Variants in PPM1L observed in about 807,000 individuals in gnomAD.
PPM1L encodes the protein protein phosphatase, Mg2+/Mn2+ dependent 1L, also known as protein phosphatase 1L.
A neutral mutation model predicts 31.4 loss-of-function variants in PPM1L; 13 were observed. That is an observed-to-expected ratio of 0.41 (90% CI 0.27 to 0.66). PPM1L has a LOEUF of 0.66. PPM1L is among the 30% of genes least tolerant of loss of function. The pLI is 0.29. For synonymous variants in PPM1L, 184 were observed against 175.4 expected (o/e 1.05, Z -0.39); for missense variants, 326 against 453.7 (o/e 0.72, Z 2.56).
At chr3:160,858,250 T>C (rs1711783970) in intron 1 of PPM1L, among the ~76,000 whole-genome samples, 3 of 152,188 alleles carry the variant, frequency 2.0e-5, no homozygotes. Flanking sequence ...CTCTTTTCTT[T>C]TCTTTTTTTT....
intron 1 of PPM1L, among the ~76,000 whole-genome samples, chr3:160,872,913 C>A (rs996168138): frequency 6.6e-6 from 1 of 151,658 alleles, no homozygotes; most frequent in Non-Finnish European, 1.5e-5. Flanking sequence ...GGCGGCACAG[C>A]GGGACTCTGT....
intron 2 of PPM1L, among the ~76,000 whole-genome samples, chr3:161,006,599 C>T (rs1479371295): frequency 6.6e-6 from 1 of 151,380 alleles, no homozygotes; most frequent in African/African-American, 2.4e-5. Context: ...TGGTTTTCCT[C>T]ATAATCCCAT....
intron 1 of PPM1L, among the ~76,000 whole-genome samples, chr3:160,848,375 CT>C (rs1353279582): frequency 6.6e-6 from 1 of 152,008 alleles, no homozygotes; most frequent in Non-Finnish European, 1.5e-5. Flanking sequence ...ATCTAGTGGA[CT>C]TTTTTTTCCC....
intron 1 of PPM1L, among the ~76,000 whole-genome samples, chr3:160,795,975 A>G (rs1049623190): frequency 6.6e-6 from 1 of 152,192 alleles, no homozygotes; most frequent in Non-Finnish European, 1.5e-5. Flanking sequence ...GGTTGATCTT[A>G]GGGAAATCCC....
intron 1 of PPM1L, among the ~76,000 whole-genome samples, chr3:160,793,862 T>C (rs1479704693): frequency 6.6e-6 from 1 of 152,186 alleles, no homozygotes; most frequent in Non-Finnish European, 1.5e-5. Context: ...TAAAACTTGC[T>C]CAGTTCTGAT....
At chr3:160,780,692 A>G (rs149931345) in intron 1 of PPM1L, among the ~76,000 whole-genome samples, 351 of 152,300 alleles carry the variant, frequency 2.3e-3, no homozygotes, top group African/African-American at 7.8e-3. Context: ...GTGTGTGTCA[A>G]GGTGGAAGAA....
chr3:160,953,680 G>T (rs1454539017), intron 1 of PPM1L, among the ~76,000 whole-genome samples: 1 of 152,088 alleles, frequency 6.6e-6, no homozygotes, highest in Non-Finnish European at 1.5e-5. Context: ...CTGGAAACTT[G>T]CAAATAAGTT....
chr3:161,010,257 G>GT (rs1432967991), intron 2 of PPM1L, among the ~76,000 whole-genome samples: 3 of 152,048 alleles, frequency 2.0e-5, no homozygotes, highest in Admixed American at 6.6e-5. Flanking sequence ...GCAGTGTTTG[G>GT]TTTTTTGTCC....
intron 2 of PPM1L, among the ~76,000 whole-genome samples, chr3:161,052,365 A>C (rs1224845797): frequency 2.0e-5 from 3 of 152,106 alleles, no homozygotes. Flanking sequence ...CTTATCAGGG[A>C]GAGCAGGAAG....
chr3:160,924,893 T>C (rs1358314276), intron 1 of PPM1L, among the ~76,000 whole-genome samples: 1 of 152,230 alleles, frequency 6.6e-6, no homozygotes, highest in Non-Finnish European at 1.5e-5. Context: ...CGCATTTAGA[T>C]TTCCTTTCTG....
In PPM1L at chr3:160,962,301, A is replaced by T. The variant is rs187579455; in HGVS notation, c.574+391A>T. 2.3e-3 allele frequency among the ~76,000 whole-genome samples: 344 copies of T among 152,048 alleles called. 1 individual carries two copies. Among genetic ancestry groups the T allele is most frequent in the Non-Finnish European group, 3.4e-3 (229 of 67,934 alleles). ...CTAAAGAGGTATTTTTTTTTCTCAA[A>T]CTGTTAAGCTAATCATTGCTTTCTT... On this transcript the variant is annotated intron_variant, in intron 2 of 3. Coordinates refer to ENST00000498165, the MANE Select transcript of PPM1L (RefSeq NM_139245.4).
chr3:161,001,789 C>A (rs778657), intron 2 of PPM1L, among the ~76,000 whole-genome samples: 88,294 of 151,868 alleles, frequency 0.58, 27,026 homozygotes, highest in East Asian at 0.92. Flanking sequence ...TATGAATTTA[C>A]TACAAACCCT....
chr3:161,018,357 T>C (rs1023796402), intron 2 of PPM1L, among the ~76,000 whole-genome samples: 32 of 152,374 alleles, frequency 2.1e-4, no homozygotes, highest in African/African-American at 7.2e-4. Flanking sequence ...AAATGTATTT[T>C]GTTTATTCAA....
Position 160,761,679 on chromosome 3 carries a change from G to A in PPM1L, c.399+4972G>A, listed in dbSNP as rs1270842236. ...ATTTTCCTTTATCCCATTTGTATTAGCCCGTTTTCATGCTGCTGATAAAGA... is the reference window on the plus strand; with the variant it reads ...ATTTTCCTTTATCCCATTTGTATTAACCCGTTTTCATGCTGCTGATAAAGA... On this transcript the variant is annotated intron_variant, in intron 1 of 3. Coordinates refer to ENST00000498165, the MANE Select transcript of PPM1L (RefSeq NM_139245.4). 1.3e-5 allele frequency among the ~76,000 whole-genome samples: 2 copies of A among 152,064 alleles called. 1 individual carries two copies. The highest frequency in any genetic ancestry group is 4.8e-5 in the African/African-American group (2 of 41,390).
intron 1 of PPM1L, among the ~76,000 whole-genome samples, chr3:160,813,521 G>A (rs375873106): frequency 2.0e-5 from 3 of 151,970 alleles, no homozygotes; most frequent in African/African-American, 4.8e-5. Flanking sequence ...TGTATTTTTA[G>A]TAGAGACAGG....
At chr3:160,952,241 G>C (rs1435013778) in intron 1 of PPM1L, among the ~76,000 whole-genome samples, 1 of 152,218 alleles carries the variant, frequency 6.6e-6, no homozygotes, top group African/African-American at 2.4e-5. Context: ...TGGAGCCAAA[G>C]AGCAGCTGTC....
chr3:161,055,987 C>T (rs1719398554), intron 2 of PPM1L, among the ~76,000 whole-genome samples: 1 of 152,104 alleles, frequency 6.6e-6, no homozygotes, highest in East Asian at 1.9e-4. Flanking sequence ...TACCCCACAA[C>T]ATAAAAAGTG....
intron 1 of PPM1L, among the ~76,000 whole-genome samples, chr3:160,811,897 G>GTT (rs1712819559): frequency 6.6e-6 from 1 of 152,196 alleles, no homozygotes; most frequent in Non-Finnish European, 1.5e-5. Context: ...ACAGGCTTGT[G>GTT]TGCAAATGGG....
At chr3:160,941,875 C>T (rs550357181) in intron 1 of PPM1L, among the ~76,000 whole-genome samples, 25 of 152,242 alleles carry the variant, frequency 1.6e-4, no homozygotes, top group Non-Finnish European at 2.8e-4. Flanking sequence ...GCTTGGAGTA[C>T]GATAAACATT....
Sources: gnomAD v4.1 joint callset for allele counts (sites outside exome capture counted in the v4.1 genomes callset) on GRCh38, gnomAD v4.1.1 for gene constraint, MANE v1.5 for transcripts, NCBI Gene and HGNC (gene_info 2026-07-23, HGNC 2026-07-21) for gene names.